The following CACNB4 variants were observed in gnomAD, a reference collection of about 807,000 sequenced individuals.
CACNB4 encodes voltage-dependent L-type calcium channel subunit beta-4.
Under a neutral mutation model 71.2 loss-of-function variants are expected in CACNB4, and 32 were observed. The ratio of observed to expected loss-of-function variants is 0.45; its 90% confidence interval spans 0.34 to 0.60. The LOEUF is 0.60. Ranked by LOEUF, CACNB4 falls within the 20% of genes least tolerant of loss-of-function variation. CACNB4 has a pLI of 0.01. For missense variants in CACNB4, 464 were observed against 647.9 expected, an observed-to-expected ratio of 0.72 and a Z score of 3.08; for synonymous variants, 231 against 236.9, an observed-to-expected ratio of 0.97 and a Z score of 0.23.
chr2:151,926,676 G>A (rs952646882), intron 2 of CACNB4, among the ~76,000 whole-genome samples: 29 of 152,102 alleles, frequency 1.9e-4, no homozygotes, highest in African/African-American at 7.0e-4. Context: ...AGAAATTGTG[G>A]ATATTTTCAT....
chr2:152,049,233 C>G (rs1485025003), intron 2 of CACNB4, among the ~76,000 whole-genome samples: 1 of 151,718 alleles, frequency 6.6e-6, no homozygotes, highest in Non-Finnish European at 1.5e-5. Flanking sequence ...GGCACAATCT[C>G]GGCTCACTGC....
intron 2 of CACNB4, among the ~76,000 whole-genome samples, chr2:151,998,444 A>C (rs1372559471): frequency 1.3e-5 from 2 of 152,168 alleles, no homozygotes; most frequent in South Asian, 4.2e-4. Context: ...TTACTCTGCT[A>C]CATGTTACCT....
intron 2 of CACNB4, among the ~76,000 whole-genome samples, chr2:152,044,214 A>AT (rs1685019981): frequency 6.6e-6 from 1 of 152,056 alleles, no homozygotes; most frequent in South Asian, 2.1e-4. Context: ...GATTTTATTT[A>AT]TTTTTATTTT....
chr2:151,849,718 C>A (rs922654372), intron 12 of CACNB4, among the ~76,000 whole-genome samples: 2 of 152,188 alleles, frequency 1.3e-5, no homozygotes, highest in African/African-American at 4.8e-5. Flanking sequence ...GCTGGCTGAG[C>A]CCAGCCTTCA....
chr2:152,007,529 T>C (rs935169949), intron 2 of CACNB4, among the ~76,000 whole-genome samples: 1 of 152,264 alleles, frequency 6.6e-6, no homozygotes, highest in Admixed American at 6.5e-5. Context: ...TTCACCTATG[T>C]TGCAGCACGA....
intron 2 of CACNB4, among the ~76,000 whole-genome samples, chr2:152,002,814 G>C (rs1419200062): frequency 1.3e-5 from 2 of 152,200 alleles, no homozygotes; most frequent in Non-Finnish European, 2.9e-5. Context: ...GATGACCAAG[G>C]ACTCAAAAGG....
chr2:151,970,079 C>A (rs1376544243), intron 2 of CACNB4: 1 of 152,142 alleles, frequency 6.6e-6, no homozygotes, highest in Non-Finnish European at 1.5e-5. Flanking sequence ...GTGCAACTAA[C>A]CCCGGCATCA....
chr2:152,084,299 G>T (rs949200164), intron 2 of CACNB4, among the ~76,000 whole-genome samples: 5 of 152,208 alleles, frequency 3.3e-5, no homozygotes, highest in African/African-American at 1.2e-4. Context: ...CGAAAGTCTG[G>T]AACACAGGTT....
chr2:152,058,460 T>C (rs1685839106), intron 2 of CACNB4, among the ~76,000 whole-genome samples: 3 of 152,176 alleles, frequency 2.0e-5, no homozygotes, highest in South Asian at 4.1e-4. Flanking sequence ...CAGTGAAGTA[T>C]AGGCTGAGGT....
chr2:151,843,880 A>G (rs1406602114), intron 12 of CACNB4, among the ~76,000 whole-genome samples: 1 of 152,160 alleles, frequency 6.6e-6, no homozygotes, highest in Non-Finnish European at 1.5e-5. Context: ...CTCTCCCAAC[A>G]TTTACTATTT....
At chr2:152,047,824 G>A (rs1004297962) in intron 2 of CACNB4, among the ~76,000 whole-genome samples, 4 of 152,192 alleles carry the variant, frequency 2.6e-5, no homozygotes, top group African/African-American at 9.7e-5. Context: ...GCTTGAACCT[G>A]GGAAGTGGAG....
chr2:151,876,579 C>A, intron 4 of CACNB4, 23 bp from the exon 5 acceptor site: 1 of 1,419,884 alleles, frequency 7.0e-7, no homozygotes, highest in Non-Finnish European at 9.4e-7. Context: ...AATAAAATTG[C>A]TATCAATAGT....
chr2:151,901,082 C>T (rs1217380857), intron 2 of CACNB4, among the ~76,000 whole-genome samples: 4 of 149,318 alleles, frequency 2.7e-5, no homozygotes, highest in Non-Finnish European at 4.4e-5. Flanking sequence ...CAGCCTTGAC[C>T]TCCTGGGCTC....
At chr2:152,012,112 A>AG (rs1683087482) in intron 2 of CACNB4, among the ~76,000 whole-genome samples, 1 of 151,510 alleles carries the variant, frequency 6.6e-6, no homozygotes, top group African/African-American at 2.4e-5. Context: ...AAAAAAAAAA[A>AG]AGTTAACTGT....
intron 4 of CACNB4, among the ~76,000 whole-genome samples, chr2:151,878,011 T>C (rs1369988663): frequency 6.7e-6 from 1 of 150,228 alleles, no homozygotes; most frequent in Non-Finnish European, 1.5e-5. Context: ...AGCTCTATTG[T>C]TTAAACTCTC....
chr2:152,042,931 G>A (rs1684953397), intron 2 of CACNB4, among the ~76,000 whole-genome samples: 1 of 152,168 alleles, frequency 6.6e-6, no homozygotes, highest in African/African-American at 2.4e-5. Flanking sequence ...ATGGAGAGGA[G>A]CGTGACCTCT....
chr2:151,938,266 C>A (rs1335261985), intron 2 of CACNB4, among the ~76,000 whole-genome samples: 2 of 152,204 alleles, frequency 1.3e-5, no homozygotes, highest in East Asian at 3.8e-4. Flanking sequence ...GCTAATAGAG[C>A]CACCTGGCCA....
intron 2 of CACNB4, among the ~76,000 whole-genome samples, chr2:152,091,857 C>T (rs968465188): frequency 1.8e-4 from 28 of 152,132 alleles, no homozygotes; most frequent in African/African-American, 6.5e-4. Context: ...AGAAGCTAAC[C>T]AAGCAAACAA....
chr2:151,934,566 C>T, intron 2 of CACNB4, among the ~76,000 whole-genome samples: 1 of 152,162 alleles, frequency 6.6e-6, no homozygotes, highest in Non-Finnish European at 1.5e-5. Flanking sequence ...CGGCTGGGCA[C>T]GGTGGCTCAT....
Sources: allele counts gnomAD v4.1 joint callset (sites outside exome capture counted in the v4.1 genomes callset), GRCh38; gene constraint gnomAD v4.1.1; transcripts MANE v1.5; gene names NCBI Gene and HGNC (gene_info 2026-07-23, HGNC 2026-07-21).